Variants in PRLR observed in about 807,000 individuals in gnomAD.
PRLR encodes the protein hPRL receptor.
PRLR carries 13 observed loss-of-function variants against 40.2 expected under a neutral mutation model. That is an observed-to-expected ratio of 0.32 (90% confidence interval 0.21 to 0.51). PRLR has a LOEUF of 0.51. PRLR is among the 20% of genes least tolerant of loss of function. The pLI is 0.97. For synonymous variants in PRLR, 269 were observed against 278.7 expected, an observed-to-expected ratio of 0.97 and a Z score of 0.35; for missense variants, 656 against 747.3, an observed-to-expected ratio of 0.88 and a Z score of 1.42.
At chr5:35,149,371 A>G (rs1774277085) in intron 1 of PRLR, among the ~76,000 whole-genome samples, 1 of 152,248 alleles carries the variant, frequency 6.6e-6, no homozygotes, top group Non-Finnish European at 1.5e-5. Context: ...AGGAAGCTGT[A>G]TAGTTTTAGC....
intron 1 of PRLR, among the ~76,000 whole-genome samples, chr5:35,215,727 C>T (rs1776268672): frequency 6.6e-6 from 1 of 151,946 alleles, no homozygotes; most frequent in Non-Finnish European, 1.5e-5. Flanking sequence ...AGAGTGGAAT[C>T]CATTGCTATT....
intron 1 of PRLR, among the ~76,000 whole-genome samples, chr5:35,151,305 A>G (rs1356020700): frequency 6.6e-6 from 1 of 152,196 alleles, no homozygotes; most frequent in East Asian, 1.9e-4. Context: ...AAGCTGTAAG[A>G]TGGAAGCAGC....
chr5:35,141,824 T>C (rs556699092), intron 1 of PRLR, among the ~76,000 whole-genome samples: 1 of 152,232 alleles, frequency 6.6e-6, no homozygotes, highest in African/African-American at 2.4e-5. Flanking sequence ...CAACTCCTCA[T>C]TGGATGCCAT....
chr5:35,086,680 T>C (rs992516908), intron 3 of PRLR, among the ~76,000 whole-genome samples: 90 of 152,192 alleles, frequency 5.9e-4, no homozygotes, highest in African/African-American at 2.1e-3. Flanking sequence ...TAGACACATA[T>C]TGGTTGAAGA....
intron 1 of PRLR, among the ~76,000 whole-genome samples, chr5:35,155,229 G>A (rs1038698413): frequency 4.6e-5 from 7 of 152,064 alleles, no homozygotes; most frequent in East Asian, 1.9e-4. Flanking sequence ...ACTAACATGC[G>A]GGAATGCTTG....
chr5:35,210,338 T>C (rs1226234651), intron 1 of PRLR, among the ~76,000 whole-genome samples: 1 of 152,218 alleles, frequency 6.6e-6, no homozygotes, highest in African/African-American at 2.4e-5. Flanking sequence ...TCCAGCACAG[T>C]GTGCCTTAGG....
chr5:35,051,087 G>A (rs1350338625), downstream of PRLR, among the ~76,000 whole-genome samples: 1 of 152,122 alleles, frequency 6.6e-6, no homozygotes, highest in Non-Finnish European at 1.5e-5. Flanking sequence ...TTATTTATTA[G>A]GACTCTTTGA....
downstream of PRLR, among the ~76,000 whole-genome samples, chr5:35,054,762 T>C (rs1768636610): frequency 6.6e-6 from 1 of 152,154 alleles, no homozygotes. Context: ...AAAATCAAAG[T>C]GCATAAAGAT....
At chr5:35,133,767 TG>T (rs1190111077) in intron 1 of PRLR, among the ~76,000 whole-genome samples, 2 of 152,186 alleles carry the variant, frequency 1.3e-5, no homozygotes, top group African/African-American at 4.8e-5. Context: ...GAAGAACCTG[TG>T]GGCTACCAAA....
chr5:35,085,457 C>T (rs1770790150), intron 4 of PRLR, among the ~76,000 whole-genome samples: 1 of 152,182 alleles, frequency 6.6e-6, no homozygotes, highest in Non-Finnish European at 1.5e-5. Context: ...GTCTCACTGT[C>T]AGCGTAACAA....
intron 1 of PRLR, among the ~76,000 whole-genome samples, chr5:35,155,477 C>T (rs545479649): frequency 3.9e-5 from 6 of 152,186 alleles, no homozygotes; most frequent in African/African-American, 1.2e-4. Context: ...AAAAACCCAT[C>T]GACTATTGGG....
chr5:35,227,782 T>C (rs774887105), intron 1 of PRLR, among the ~76,000 whole-genome samples: 1 of 152,186 alleles, frequency 6.6e-6, no homozygotes, highest in Admixed American at 6.5e-5. Context: ...AATGGAGATA[T>C]TTCTCTCTAC....
intron 1 of PRLR, among the ~76,000 whole-genome samples, chr5:35,171,084 C>A (rs1460662053): frequency 6.6e-6 from 1 of 150,654 alleles, no homozygotes; most frequent in South Asian, 2.1e-4. Context: ...TAATTTTACC[C>A]CTATAATTTG....
intron 2 of PRLR, among the ~76,000 whole-genome samples, chr5:35,095,509 A>G (rs1021998683): frequency 6.6e-6 from 1 of 152,206 alleles, no homozygotes; most frequent in African/African-American, 2.4e-5. Context: ...AACTGAGGAT[A>G]TAGTGCCAAG....
intron 1 of PRLR, among the ~76,000 whole-genome samples, chr5:35,229,862 T>C (rs892239588): frequency 6.6e-6 from 1 of 152,128 alleles, no homozygotes; most frequent in Non-Finnish European, 1.5e-5. Flanking sequence ...CTTTTTTTCT[T>C]TTCTTTTTAT....
intron 1 of PRLR, among the ~76,000 whole-genome samples, chr5:35,136,618 G>T (rs1010665376): frequency 2.6e-5 from 4 of 152,280 alleles, no homozygotes; most frequent in African/African-American, 9.6e-5. Flanking sequence ...AGCTGCAGAG[G>T]TCCTCAGATC....
At chr5:35,107,289 C>T (rs1475338000) in intron 2 of PRLR, among the ~76,000 whole-genome samples, 2 of 152,008 alleles carry the variant, frequency 1.3e-5, no homozygotes, top group Non-Finnish European at 2.9e-5. Flanking sequence ...GATCTAAAAT[C>T]GACACCCTAA....
intron 5 of PRLR, among the ~76,000 whole-genome samples, chr5:35,078,699 C>T (rs1328693715): frequency 3.3e-5 from 5 of 152,200 alleles, no homozygotes; most frequent in African/African-American, 1.2e-4. Context: ...TCCTCCCTAA[C>T]TCATTTCGTG....
chr5:35,146,045 T>C (rs1482103994), intron 1 of PRLR, among the ~76,000 whole-genome samples: 1 of 152,234 alleles, frequency 6.6e-6, no homozygotes, highest in Non-Finnish European at 1.5e-5. Flanking sequence ...AGAACCTCCA[T>C]AAATCCTAGT....
Sources: allele counts gnomAD v4.1 joint callset (sites outside exome capture counted in the v4.1 genomes callset), GRCh38; gene constraint gnomAD v4.1.1; transcripts MANE v1.5; gene names NCBI Gene and HGNC (gene_info 2026-07-23, HGNC 2026-07-21).